PCDH9: variants seen among roughly 807,000 people sequenced by gnomAD.
PCDH9 encodes the protein protocadherin-9.
In PCDH9, 24 loss-of-function variants were observed where a neutral mutation model predicts 70.6. The observed-to-expected ratio is 0.34, with a 90% CI of 0.25 to 0.48. The LOEUF (loss-of-function observed/expected upper bound fraction) is 0.48, where lower values mean the gene tolerates loss of function less well. Ranked by LOEUF, PCDH9 falls within the 20% of genes least tolerant of loss-of-function variation. The probability of loss-of-function intolerance (pLI) is 0.99; values close to 1 mark genes in which losing one functional copy is unlikely to be tolerated. For synonymous variants in PCDH9, 562 were observed against 558.5 expected (o/e 1.01, Z -0.09); for missense variants, 1,281 against 1,503.6 (o/e 0.85, Z 2.45).
chr13:66,332,822 GTA>G (rs148772791), intron 4 of PCDH9, among the ~76,000 whole-genome samples: 25 of 147,808 alleles, frequency 1.7e-4, no homozygotes, highest in East Asian at 5.9e-4. Context: ...ATATATATAT[GTA>G]TATATATATA....
chr13:66,675,946 A>T (rs2078237097), intron 3 of PCDH9, among the ~76,000 whole-genome samples: 1 of 152,122 alleles, frequency 6.6e-6, no homozygotes, highest in African/African-American at 2.4e-5. Flanking sequence ...ATTCTGGTCT[A>T]TATTCGTGCA....
intron 2 of PCDH9, among the ~76,000 whole-genome samples, chr13:67,177,616 T>C (rs890945139): frequency 1.3e-5 from 2 of 152,002 alleles, no homozygotes; most frequent in South Asian, 4.1e-4. Context: ...CTTCTGTGCA[T>C]AATGCTTGAA....
chr13:66,853,957 A>T (rs1426052531), intron 3 of PCDH9, among the ~76,000 whole-genome samples: 1 of 152,208 alleles, frequency 6.6e-6, no homozygotes, highest in Non-Finnish European at 1.5e-5. Context: ...ATATAGCCTC[A>T]CAAAATATAC....
chr13:66,936,653 C>G (rs560841444), intron 2 of PCDH9, among the ~76,000 whole-genome samples: 4 of 152,204 alleles, frequency 2.6e-5, no homozygotes, highest in Middle Eastern at 3.4e-3. Flanking sequence ...GAACTGGCTA[C>G]TAAACAAGTC....
chr13:67,181,255 T>G (rs1211720410), intron 2 of PCDH9, among the ~76,000 whole-genome samples: 1 of 152,200 alleles, frequency 6.6e-6, no homozygotes, highest in Admixed American at 6.5e-5. Flanking sequence ...CAAACTTGCA[T>G]ATAGTGCAAA....
rs569852614 is a variant in PCDH9 at position 67,112,884 on chromosome 13, AATTTTTTGTAATTTTTTGTT to A, written c.3036+112501_3036+112520del. Among the ~76,000 whole-genome samples, 541 of 152,060 alleles carry A rather than the reference AATTTTTTGTAATTTTTTGTT, an allele frequency of 3.6e-3. 6 individuals carry two copies. The highest frequency in any genetic ancestry group is 0.013 in the African/African-American group (520 of 41,468). On this transcript the variant is annotated intron_variant, in intron 2 of 4. Transcript: ENST00000377865. ...CAGGTGTGTGTCACCACACCTGGCT[AATTTTTTGTAATTTTTTGTT>A]ATTTTTTGTAGAGATGGAGTTTCTC...
At position 66,304,284 on chromosome 13, in the gene PCDH9, A is replaced by AT; in HGVS notation, c.*370_*371insA. 6.1e-6 allele frequency: 1 copy of AT among 163,894 alleles called. No homozygotes were observed. The allele number at this position is 163,894 out of a possible 1,614,324, so 10.2% of individuals were successfully genotyped here. A position where few individuals can be genotyped will look rare whatever the true frequency, so the allele number is the denominator to read the frequency against. On this transcript the variant is annotated 3_prime_UTR_variant, in exon 5 of 5. Coordinates refer to ENST00000377865, the MANE Select transcript of PCDH9 (RefSeq NM_203487.3). ...ACAAAAAAAAAAAAAAAAAAAAAAA[A>AT]AAGCACAATTTTCTAACTGGATATG... is the stretch of plus-strand genomic sequence containing the variant.
intron 2 of PCDH9, among the ~76,000 whole-genome samples, chr13:67,061,025 G>A (rs1029136008): frequency 1.3e-5 from 2 of 152,050 alleles, no homozygotes; most frequent in South Asian, 4.1e-4. Flanking sequence ...TAGCTGACAA[G>A]TTAAGTGACA....
intron 3 of PCDH9, among the ~76,000 whole-genome samples, chr13:66,828,587 C>T (rs1356421200): frequency 2.0e-5 from 3 of 152,046 alleles, no homozygotes; most frequent in Non-Finnish European, 4.4e-5. Flanking sequence ...GTCTATCAGA[C>T]AGTACACAAT....
At chr13:66,406,271 G>T (rs963440424) in intron 4 of PCDH9, among the ~76,000 whole-genome samples, 1 of 152,156 alleles carries the variant, frequency 6.6e-6, no homozygotes, top group African/African-American at 2.4e-5. Flanking sequence ...ACTTGGGCAA[G>T]TTTTAATTAG....
intron 3 of PCDH9, among the ~76,000 whole-genome samples, chr13:66,684,881 A>G (rs112488195): frequency 0.017 from 2,592 of 152,232 alleles, 85 homozygotes; most frequent in African/African-American, 0.059. Context: ...AAGATGTGAG[A>G]AAGTTTGGAA....
chr13:66,964,944 T>A (rs1022634764), intron 2 of PCDH9, among the ~76,000 whole-genome samples: 1 of 151,882 alleles, frequency 6.6e-6, no homozygotes, highest in Non-Finnish European at 1.5e-5. Context: ...ATATATATAT[T>A]CATTTACTAG....
chr13:66,919,549 C>G (rs2082607437), intron 2 of PCDH9, among the ~76,000 whole-genome samples: 1 of 151,164 alleles, frequency 6.6e-6, no homozygotes, highest in South Asian at 2.1e-4. Flanking sequence ...GCTGTGGAAC[C>G]ACACATTACA....
chr13:67,153,321 C>T (rs1020304722), intron 2 of PCDH9, among the ~76,000 whole-genome samples: 3 of 152,066 alleles, frequency 2.0e-5, no homozygotes, highest in Non-Finnish European at 4.4e-5. Flanking sequence ...GCATGTGCCA[C>T]TGCACTTGGC....
At chr13:66,316,783 C>T (rs777177424) in intron 4 of PCDH9, among the ~76,000 whole-genome samples, 14 of 152,080 alleles carry the variant, frequency 9.2e-5, no homozygotes, top group Admixed American at 1.3e-4. Context: ...AGTAAAATGG[C>T]GTGATCTTGG....
intron 4 of PCDH9, among the ~76,000 whole-genome samples, chr13:66,451,904 ACTAT>A (rs1958220489): frequency 6.6e-6 from 1 of 152,232 alleles, no homozygotes; most frequent in Non-Finnish European, 1.5e-5. Flanking sequence ...AATGGCAATA[ACTAT>A]CTTTTTCAAT....
intron 3 of PCDH9, among the ~76,000 whole-genome samples, chr13:66,685,067 G>A (rs151088069): frequency 1.3e-5 from 2 of 152,098 alleles, no homozygotes; most frequent in Non-Finnish European, 2.9e-5. Context: ...ATTCAAGCCA[G>A]CTGCAGAAAT....
At chr13:66,487,235 C>T (rs1288930528) in intron 4 of PCDH9, among the ~76,000 whole-genome samples, 1 of 152,178 alleles carries the variant, frequency 6.6e-6, no homozygotes, top group Non-Finnish European at 1.5e-5. Context: ...ATAATATAGG[C>T]TCTCAATATG....
At chr13:67,147,403 G>T (rs2087548220) in intron 2 of PCDH9, among the ~76,000 whole-genome samples, 1 of 152,162 alleles carries the variant, frequency 6.6e-6, no homozygotes, top group African/African-American at 2.4e-5. Flanking sequence ...TATAAAGCTG[G>T]GAATGTGTAT....
Sources: gnomAD v4.1 joint callset for allele counts (sites outside exome capture counted in the v4.1 genomes callset) on GRCh38, gnomAD v4.1.1 for gene constraint, MANE v1.5 for transcripts, NCBI Gene and HGNC (gene_info 2026-07-23, HGNC 2026-07-21) for gene names.